SSMEM1: variants seen among roughly 807,000 people sequenced by gnomAD.
The protein encoded by SSMEM1 is serine-rich single-pass membrane protein 1.
Under a neutral mutation model 9.9 loss-of-function variants are expected in SSMEM1, and 12 were observed. The ratio of observed to expected loss-of-function variants is 1.21; its 90% confidence interval spans 0.78 to 1.96. SSMEM1 has a LOEUF of 1.96. Among genes scored for constraint, SSMEM1 ranks in the 30% most tolerant of loss-of-function variants. The probability of loss-of-function intolerance (pLI) is 0.00; values close to 1 mark genes in which losing one functional copy is unlikely to be tolerated. For missense variants in SSMEM1, 259 were observed against 292.2 expected (o/e 0.89, Z 0.83); for synonymous variants, 96 against 98.9 (o/e 0.97, Z 0.17).
chr7:130,209,153 G>A (rs961577819), intron 1 of SSMEM1, among the ~76,000 whole-genome samples: 1 of 152,048 alleles, frequency 6.6e-6, no homozygotes, highest in Non-Finnish European at 1.5e-5. Flanking sequence ...ATGAGCCACC[G>A]CGCCCAGCCG....
At chr7:130,209,200 T>C (rs1394750333) in intron 1 of SSMEM1, among the ~76,000 whole-genome samples, 1 of 152,194 alleles carries the variant, frequency 6.6e-6, no homozygotes, top group Non-Finnish European at 1.5e-5. Context: ...ATGATATCCT[T>C]GCTGGCCATT....
upstream of SSMEM1, among the ~76,000 whole-genome samples, chr7:130,206,546 C>T (rs1287667737): frequency 6.6e-6 from 1 of 152,196 alleles, no homozygotes; most frequent in South Asian, 2.1e-4. Context: ...TAATGAAAAT[C>T]GGCAGGTATG....
chr7:130,211,082 T>C (rs1344785089), intron 1 of SSMEM1, among the ~76,000 whole-genome samples: 1 of 152,044 alleles, frequency 6.6e-6, no homozygotes, highest in Non-Finnish European at 1.5e-5. Context: ...ATTTTTTTCC[T>C]TTTCTATAAC....
chr7:130,209,800 G>A (rs563537299), intron 1 of SSMEM1, among the ~76,000 whole-genome samples: 3 of 152,098 alleles, frequency 2.0e-5, no homozygotes, highest in Admixed American at 6.5e-5. Context: ...GGCTGGTGTC[G>A]AACTCCTGAC....
At chr7:130,205,854 T>G (rs1217567361), upstream of SSMEM1, among the ~76,000 whole-genome samples, 1 of 152,000 alleles carries the variant, frequency 6.6e-6, no homozygotes, top group African/African-American at 2.4e-5. Flanking sequence ...AATTTTTTTT[T>G]TGGTAGAGAC....
chr7:130,206,927 G>A (rs752428201), upstream of SSMEM1: 5 of 207,432 alleles, frequency 2.4e-5, no homozygotes, highest in South Asian at 2.1e-4. Context: ...CCGAGGTTGC[G>A]GTGAGCCAAG....
chr7:130,213,710 A>AAAAAG (rs1554382344), intron 2 of SSMEM1, among the ~76,000 whole-genome samples, 176 bp downstream of exon 2: 7,179 of 119,238 alleles, frequency 0.06, 60 homozygotes, highest in East Asian at 0.12. Context: ...AAAAAAAAAA[A>AAAAAG]AAAAGAAAAG....
chr7:130,208,120 TA>T lies in SSMEM1; in HGVS notation c.183+29del, dbSNP rs1417033666. 3.8e-6 allele frequency: 6 copies of T among 1,578,538 alleles called. No individual in the cohort carries two copies. In the African/African-American group the frequency reaches 8.2e-5, roughly 22 times the overall value. On this transcript the variant is annotated intron_variant, in intron 1 of 2. Transcript: ENST00000297819. The stretch of plus-strand genomic sequence containing the variant: ...TAGGATATCTTTTTTTCATTTTAAA[TA>T]ATATGTTTACTGTACACTAGGAAAA...
rs190489408 is a variant in SSMEM1 at position 130,212,730 on chromosome 7, A to C, written c.184-750A>C. ...TACAGAGCAAGACTCCGTCTCAAAA[A>C]AAAAACAAAAACAAAAACAAAAAAA... On this transcript the variant is annotated intron_variant, in intron 1 of 2. Coordinates refer to ENST00000297819, the MANE Select transcript of SSMEM1 (RefSeq NM_145268.4). Among the ~76,000 whole-genome samples, 263 of 152,158 alleles carry C rather than the reference A, an allele frequency of 1.7e-3. 1 individual carries two copies. The highest frequency in any genetic ancestry group is 4.9e-3 in the Admixed American group (75 of 15,272).
chr7:130,210,774 T>A (rs1304067846), intron 1 of SSMEM1, among the ~76,000 whole-genome samples: 1 of 152,274 alleles, frequency 6.6e-6, no homozygotes, highest in African/African-American at 2.4e-5. Context: ...GTAACCACAG[T>A]TCATATGATC....
chr7:130,215,054 G>A (rs1584715023), intron 2 of SSMEM1, among the ~76,000 whole-genome samples: 2 of 152,230 alleles, frequency 1.3e-5, no homozygotes, highest in Non-Finnish European at 2.9e-5. Context: ...TGTAATCTCA[G>A]CACTTTGGGT....
chr7:130,213,655 C>A (rs1584713969), intron 2 of SSMEM1, 121 bp downstream of exon 2: 68 of 283,146 alleles, frequency 2.4e-4, no homozygotes, highest in East Asian at 1.5e-3. Flanking sequence ...CTAAGCAGTT[C>A]AAGACCACAG....
chr7:130,206,348 C>T (rs940370372), upstream of SSMEM1, among the ~76,000 whole-genome samples: 3 of 152,210 alleles, frequency 2.0e-5, no homozygotes, highest in Non-Finnish European at 4.4e-5. Context: ...TCGCGAGCTT[C>T]CTGGAGGAGA....
upstream of SSMEM1, among the ~76,000 whole-genome samples, chr7:130,205,817 T>C (rs1020117100): frequency 1.3e-5 from 2 of 151,958 alleles, no homozygotes; most frequent in African/African-American, 2.4e-5. Context: ...TGTTAAAGTA[T>C]CTATGTCAAG....
At chr7:130,205,507 G>A (rs1449238419), upstream of SSMEM1, 3 of 1,461,282 alleles carry the variant, frequency 2.1e-6, no homozygotes, top group South Asian at 1.1e-5. Flanking sequence ...TCGCGAGAAA[G>A]GGAGGGGTCG....
In SSMEM1 at chr7:130,213,828, T is replaced by C. The variant is rs150213015; in HGVS notation, c.238+294T>C. ...AACAGCCAACAGCATTGTAAGACTT[T>C]GCACACTAGAGGAGGCCCATTGGGG... is the stretch of plus-strand genomic sequence containing the variant. On this transcript the variant is annotated intron_variant, in intron 2 of 2. Coordinates refer to ENST00000297819, the MANE Select transcript of SSMEM1 (RefSeq NM_145268.4). 3.9e-3 allele frequency among the ~76,000 whole-genome samples: 590 copies of C among 152,290 alleles called. 5 individuals are homozygous for C. Among genetic ancestry groups the C allele is most frequent in the African/African-American group, 0.013 (560 of 41,562 alleles).
chr7:130,206,364 C>T (rs1192359910), upstream of SSMEM1, among the ~76,000 whole-genome samples: 1 of 152,210 alleles, frequency 6.6e-6, no homozygotes, highest in Non-Finnish European at 1.5e-5. Flanking sequence ...GGAGATGACG[C>T]GTTAGAGTCC....
At chr7:130,207,108 T>A (rs1297681688), upstream of SSMEM1, 1 of 156,662 alleles carries the variant, frequency 6.4e-6, no homozygotes, top group Non-Finnish European at 1.4e-5. Flanking sequence ...ACATCTGTGT[T>A]TTTCCCTCTT....
chr7:130,208,067 ATGT>A lies in SSMEM1; in HGVS notation c.159_161del (p.Met53_Phe54delinsIle). The A allele has an allele frequency of 6.2e-7, 1 of 1,613,674 alleles. No homozygotes were observed. Among genetic ancestry groups the A allele is most frequent in the Non-Finnish European group, 8.5e-7 (1 of 1,179,852 alleles). ...GTATTTTGTTATCGTATTTGTCCTG[ATGT>A]TCTTCTCTAGGGCTTCTGTCTGGGT... On this transcript the variant is annotated inframe_deletion, in exon 1 of 3. Coordinates refer to ENST00000297819, the MANE Select transcript of SSMEM1 (RefSeq NM_145268.4).
Sources: gnomAD v4.1 joint callset for allele counts (sites outside exome capture counted in the v4.1 genomes callset) on GRCh38, gnomAD v4.1.1 for gene constraint, MANE v1.5 for transcripts, NCBI Gene and HGNC (gene_info 2026-07-23, HGNC 2026-07-21) for gene names.